GRID2: variants seen among roughly 807,000 people sequenced by gnomAD.
The protein encoded by GRID2 is glutamate ionotropic receptor delta type subunit 2.
GRID2 carries 33 observed loss-of-function variants against 114.8 expected under a neutral mutation model. The ratio of observed to expected loss-of-function variants is 0.29; its 90% CI spans 0.22 to 0.38. The LOEUF (loss-of-function observed/expected upper bound fraction) is 0.38, where lower values mean the gene tolerates loss of function less well. Ranked by LOEUF, GRID2 falls within the 10% of genes least tolerant of loss-of-function variation. The pLI, the probability that GRID2 is intolerant of heterozygous loss-of-function variation, is 1.00. For missense variants in GRID2, 1,184 were observed against 1,257.7 expected (o/e 0.94, Z 0.89); for synonymous variants, 505 against 449.9 (o/e 1.12, Z -1.55).
chr4:93,750,785 G>C (rs1229887678), intron 14 of GRID2, among the ~76,000 whole-genome samples: 1 of 152,106 alleles, frequency 6.6e-6, no homozygotes, highest in African/African-American at 2.4e-5. Flanking sequence ...TCTTGACCAG[G>C]CATCGAGACA....
At chr4:93,766,119 C>T (rs919037478) in intron 14 of GRID2, among the ~76,000 whole-genome samples, 1 of 152,114 alleles carries the variant, frequency 6.6e-6, no homozygotes, top group African/African-American at 2.4e-5. Flanking sequence ...AGTACACACT[C>T]TCGAAAATGG....
intron 1 of GRID2, among the ~76,000 whole-genome samples, chr4:92,564,196 C>A (rs973748548): frequency 6.6e-6 from 1 of 151,806 alleles, no homozygotes; most frequent in Non-Finnish European, 1.5e-5. Context: ...AGGTTTCATC[C>A]ATATGGGGAA....
chr4:93,365,621 GAA>G (rs1440664259), intron 8 of GRID2, among the ~76,000 whole-genome samples: 2 of 152,100 alleles, frequency 1.3e-5, no homozygotes, highest in African/African-American at 4.8e-5. Context: ...GGATATTTGT[GAA>G]AGAGTGTAAC....
intron 2 of GRID2, among the ~76,000 whole-genome samples, chr4:92,628,417 G>C (rs1730629050): frequency 1.3e-5 from 2 of 152,114 alleles, no homozygotes; most frequent in Admixed American, 1.3e-4. Flanking sequence ...GGAGTGCAGT[G>C]GTGCGATCTC....
At chr4:93,368,221 T>A (rs552438666) in intron 8 of GRID2, among the ~76,000 whole-genome samples, 2 of 152,122 alleles carry the variant, frequency 1.3e-5, no homozygotes, top group Non-Finnish European at 2.9e-5. Context: ...AGGATGTGGT[T>A]AAATGTATAA....
At chr4:92,670,178 T>C (rs1443622651) in intron 2 of GRID2, among the ~76,000 whole-genome samples, 1 of 152,136 alleles carries the variant, frequency 6.6e-6, no homozygotes, top group Non-Finnish European at 1.5e-5. Flanking sequence ...ATCTATAATC[T>C]ACCACTATTG....
intron 2 of GRID2, among the ~76,000 whole-genome samples, chr4:92,725,653 G>A (rs1375384529): frequency 1.3e-5 from 2 of 152,098 alleles, no homozygotes; most frequent in Non-Finnish European, 2.9e-5. Flanking sequence ...ATCGTCTAAG[G>A]TGCCATAAAG....
At chr4:92,899,204 ATTC>A (rs1369842358) in intron 2 of GRID2, among the ~76,000 whole-genome samples, 8 of 151,444 alleles carry the variant, frequency 5.3e-5, no homozygotes, top group African/African-American at 1.4e-4. Flanking sequence ...TATAAACATT[ATTC>A]TTTTATAATT....
At chr4:93,357,841 T>A (rs1364395626) in intron 8 of GRID2, among the ~76,000 whole-genome samples, 3 of 151,746 alleles carry the variant, frequency 2.0e-5, no homozygotes, top group Non-Finnish European at 3.0e-5. Flanking sequence ...CCTTTTTGTA[T>A]AATAAAAATT....
chr4:93,652,030 A>G (rs1043244405), intron 14 of GRID2, among the ~76,000 whole-genome samples: 1 of 152,210 alleles, frequency 6.6e-6, no homozygotes, highest in Non-Finnish European at 1.5e-5. Context: ...AAGATTATTT[A>G]AAGAACAATT....
At chr4:92,729,153 C>A (rs987791398) in intron 2 of GRID2, among the ~76,000 whole-genome samples, 7 of 152,042 alleles carry the variant, frequency 4.6e-5, no homozygotes, top group African/African-American at 1.7e-4. Context: ...CTACCTTTCT[C>A]AATGATCTAT....
chr4:92,963,145 T>C (rs1208581782), intron 2 of GRID2, among the ~76,000 whole-genome samples: 1 of 152,040 alleles, frequency 6.6e-6, no homozygotes. Flanking sequence ...ATCCTTTTGC[T>C]GGTGGAGAGT....
At chr4:92,448,947 G>C (rs1411277556) in intron 1 of GRID2, among the ~76,000 whole-genome samples, 5 of 151,940 alleles carry the variant, frequency 3.3e-5, no homozygotes, top group Non-Finnish European at 1.5e-5. Context: ...GATTATTATA[G>C]TCATATTGCT....
intron 8 of GRID2, among the ~76,000 whole-genome samples, chr4:93,364,671 G>A (rs1447096165): frequency 3.3e-5 from 5 of 151,932 alleles, no homozygotes; most frequent in African/African-American, 1.2e-4. Context: ...TAGAGATAGG[G>A]TTTTGATATG....
intron 2 of GRID2, among the ~76,000 whole-genome samples, chr4:92,704,723 T>TCTCTCTCTCTCTCTCTCTCTCTCTCTC (rs1734861937): frequency 2.2e-5 from 2 of 90,050 alleles, no homozygotes; most frequent in Non-Finnish European, 4.6e-5. Context: ...CTCTCTCTCT[T>TCTCTCTCTCTCTCTCTCTCTCTCTCTC]TCTCTCTCTC....
At chr4:93,407,731 TCCTC>T in intron 9 of GRID2, among the ~76,000 whole-genome samples, 1 of 105,570 alleles carries the variant, frequency 9.5e-6, no homozygotes, top group South Asian at 4.0e-4. Flanking sequence ...CTTCTCCTCC[TCCTC>T]CTCCTCCTCC....
intron 4 of GRID2, among the ~76,000 whole-genome samples, chr4:93,127,256 G>T (rs1023283773): frequency 1.3e-5 from 2 of 151,988 alleles, no homozygotes; most frequent in African/African-American, 4.8e-5. Context: ...GAGTTACTTG[G>T]TTTCCAAGTG....
chr4:92,578,716 T>TTATCTATCTATCAATCAATCTATC (rs1553902699), intron 1 of GRID2, among the ~76,000 whole-genome samples: 2 of 111,080 alleles, frequency 1.8e-5, no homozygotes, highest in African/African-American at 3.4e-5. Context: ...AAAAATATCA[T>TTATCTATCTATCAATCAATCTATC]TATCTATCTA....
intron 2 of GRID2, among the ~76,000 whole-genome samples, chr4:92,914,429 T>G (rs936207774): frequency 1.4e-4 from 22 of 152,256 alleles, no homozygotes; most frequent in African/African-American, 5.3e-4. Context: ...TTTTTTACTT[T>G]TATTTCTGGT....
Sources: allele counts gnomAD v4.1 joint callset (sites outside exome capture counted in the v4.1 genomes callset), GRCh38; gene constraint gnomAD v4.1.1; transcripts MANE v1.5; gene names NCBI Gene and HGNC (gene_info 2026-07-23, HGNC 2026-07-21).